The following MUC5B variants were observed in gnomAD, a reference collection of about 807,000 sequenced individuals.
MUC5B encodes the protein mucin 5B, oligomeric mucus/gel-forming.
A neutral mutation model predicts 376.9 loss-of-function variants in MUC5B; 116 were observed. The ratio of observed to expected loss-of-function variants is 0.31; its 90% CI spans 0.26 to 0.36. The LOEUF is 0.36. MUC5B is among the 10% of genes least tolerant of loss of function. MUC5B has a pLI of 1.00. For missense variants in MUC5B, 7,165 were observed against 7,769.9 expected (o/e 0.92, Z 2.93); for synonymous variants, 3,517 against 3,390.9 (o/e 1.04, Z -1.29).
rs1185237802 is a variant in MUC5B at position 1,243,333 on chromosome 11, A to T, written c.6453A>T (p.Ser2151=). The T allele has an allele frequency of 6.4e-7, 1 of 1,552,320 alleles. No individual in the cohort carries two copies. Among genetic ancestry groups the T allele is most frequent in the Non-Finnish European group, 8.7e-7 (1 of 1,149,020 alleles). ...TATGSTTNPS[S]TPGTTPIPPV... ...CCGGCTCCACCACCAACCCCTCCTC[A>T]ACTCCTGGGACAACTCCCATCCCCC... The change falls in exon 31 of 49, where the codon TCA becomes TCT. Residue 2151 remains serine, a synonymous_variant. Transcript: ENST00000529681.
intron 6 of MUC5B, 55 bp downstream of exon 6, chr11:1,227,453 C>A: frequency 7.1e-7 from 1 of 1,406,606 alleles, no homozygotes; most frequent in Non-Finnish European, 9.9e-7. Flanking sequence ...CAACGAAGAG[C>A]CACAGTCCCG....
intron 29 of MUC5B, 37 bp from the exon 30 acceptor site, chr11:1,240,141 C>T (rs367807229): frequency 3.8e-5 from 60 of 1,571,740 alleles, no homozygotes; most frequent in South Asian, 1.5e-4. Flanking sequence ...GCCAGGGGCT[C>T]GGAGGCCCTG....
At chr11:1,229,060 G>A (rs1861961453) in intron 8 of MUC5B, 110 bp from the exon 9 acceptor site, 9 of 1,321,846 alleles carry the variant, frequency 6.8e-6, no homozygotes, top group Non-Finnish European at 8.0e-6. Flanking sequence ...GCCTAGCTCT[G>A]GCTTCTGTGG....
In MUC5B at chr11:1,234,935, G is replaced by T. The variant is rs1198694289; in HGVS notation, c.2631-150G>T. The T allele has an allele frequency of 1.5e-5, 18 of 1,195,636 alleles. No individual in the cohort carries two copies. The highest frequency in any genetic ancestry group is 2.8e-5 in the Admixed American group (1 of 35,324). The allele number at this position is 1,195,636 out of a possible 1,614,324, so 74.1% of individuals were successfully genotyped here. A position where few individuals can be genotyped will look rare whatever the true frequency, so the allele number is the denominator to read the frequency against. Reference sequence around the variant, plus strand: ...GGGCTGCGTGCCCTGCATTCACAGTGGGGGACACCACTTCTTCCACGGAGG... The same window carrying T: ...GGGCTGCGTGCCCTGCATTCACAGTTGGGGACACCACTTCTTCCACGGAGG... On this transcript the variant is annotated intron_variant, in intron 21 of 48. Transcript: ENST00000529681. This position sits in a 1 kb window ranked among gnomAD's most constrained non-coding sequence, Gnocchi z 6.3.
chr11:1,235,878 A>G (rs1320426636), intron 23 of MUC5B, among the ~76,000 whole-genome samples: 1 of 149,752 alleles, frequency 6.7e-6, no homozygotes, highest in African/African-American at 2.5e-5. Flanking sequence ...GCTTTCTCCC[A>G]GTGAGGGCCC....
intron 21 of MUC5B, 62 bp from the exon 22 acceptor site, chr11:1,235,023 G>C: frequency 6.4e-7 from 1 of 1,551,984 alleles, no homozygotes; most frequent in Non-Finnish European, 8.7e-7. Flanking sequence ...CCTGGGTGCC[G>C]GGTCTCAGGA....
At position 1,232,146 on chromosome 11, in the gene MUC5B, T is replaced by C. The variant is rs772931734; in HGVS notation, c.1829T>C (p.Leu610Pro). The change falls in exon 15 of 49, where the codon CTC (leucine) becomes CCC (proline). Residue 610 changes from leucine to proline, a missense_variant. Coordinates refer to ENST00000529681, the MANE Select transcript of MUC5B (RefSeq NM_002458.3). ...AACAGCTTTGAGGACCCCTGCTCCC[T>C]CAGTGTGGAGAATGGTACTCCTCGC... ...ARNSFEDPCS[L>P]SVENENYARH... The C allele has an allele frequency of 6.2e-7, 1 of 1,607,350 alleles. No homozygotes were observed. Among genetic ancestry groups the C allele is most frequent in the African/African-American group, 1.3e-5 (1 of 74,938 alleles).
At chr11:1,230,385 TC>T in intron 11 of MUC5B, 104 bp from the exon 12 acceptor site, 1 of 1,216,182 alleles carries the variant, frequency 8.2e-7, no homozygotes. Context: ...AAGGACCACC[TC>T]CCCACAGAGC....
At position 1,230,922 on chromosome 11, in the gene MUC5B, G is replaced by T. The variant is rs774350374; in HGVS notation, c.1471-14G>T. 3 of 1,578,504 alleles carry T rather than the reference G, an allele frequency of 1.9e-6. No homozygotes were observed. The highest frequency in any genetic ancestry group is 2.7e-5 in the African/African-American group (2 of 74,128). Reference sequence around the variant, plus strand: ...CCTCCCCAGAGCTGACCTCCCGCCCGCCTCCTTCCGCAGGCCATCCGGGTC... The same window carrying T: ...CCTCCCCAGAGCTGACCTCCCGCCCTCCTCCTTCCGCAGGCCATCCGGGTC... On this transcript the variant is annotated splice_polypyrimidine_tract_variant and intron_variant, in intron 12 of 48. Transcript: ENST00000529681.
rs1210706964 is a variant in MUC5B at position 1,251,049 on chromosome 11, C to A, written c.14169C>A (p.Ala4723=). 6.2e-7 allele frequency: 1 copy of A among 1,611,458 alleles called. No individual in the cohort carries two copies. The highest frequency in any genetic ancestry group is 8.5e-7 in the Non-Finnish European group (1 of 1,178,292). ...CACCCGCAGCCACCAGCTCCAAAGC[C>A]ACTTCCTCCTCCAGTCCAAGGACTG... The part of the protein sequence containing the change: ...ATTPAATSSK[A]TSSSSPRTAT... Residue 4723 remains alanine (A), a synonymous_variant, in exon 31 of 49, where the codon GCC becomes GCA. Coordinates refer to ENST00000529681, the MANE Select transcript of MUC5B (RefSeq NM_002458.3).
chr11:1,229,952 T>A lies in MUC5B; in HGVS notation c.1221-53T>A, dbSNP rs1590169391. The A allele has an allele frequency of 5.1e-6, 8 of 1,557,104 alleles. No individual in the cohort carries two copies. In the South Asian group the frequency reaches 9.4e-5, roughly 18 times the overall value. On this transcript the variant is annotated intron_variant, in intron 10 of 48. Transcript: ENST00000529681. ...CCGCCTGCGGTGGGGGTGTGGAGGG[T>A]GGGGCCCACCTCCTCCCGACATGCC...
At position 1,246,526 on chromosome 11, in the gene MUC5B, C is replaced by T. The variant is rs1484917030; in HGVS notation, c.9646C>T (p.Pro3216Ser). The change falls in exon 31 of 49, where the codon CCA becomes TCA. Residue 3216 changes from proline to serine, a missense_variant. Pro to Ser is a moderately conservative substitution (Grantham distance 74). This residue lies in a region of MUC5B where 939 missense variants were observed against 770.6 expected (regional missense o/e 1.22). Transcript: ENST00000529681. The stretch of plus-strand genomic sequence containing the variant: ...CTCCAGAGCCACTCCCTCCTCCAGT[C>T]CAGGGACTGCAACCGCCCTTCCAGC... The part of the protein sequence containing the change: ...ISSRATPSSS[P>S]GTATALPALR... 2.5e-6 allele frequency: 4 copies of T among 1,613,302 alleles called. No homozygotes were observed. The highest frequency in any genetic ancestry group is 3.4e-6 in the Non-Finnish European group (4 of 1,179,642).
Position 1,258,261 on chromosome 11 carries a change from A to G in MUC5B, c.16555+58A>G. The G allele has an allele frequency of 6.3e-7, 1 of 1,578,304 alleles. No individual in the cohort carries two copies. Among genetic ancestry groups the G allele is most frequent in the Non-Finnish European group, 8.6e-7 (1 of 1,160,032 alleles). ...CCTCTTGCTGGGGGTGGGGGAGTGC[A>G]GGATGGTGGGGGCGCTGGAGCACAT... is the stretch of plus-strand genomic sequence containing the variant. On this transcript the variant is annotated intron_variant, in intron 42 of 48. Transcript: ENST00000529681. The surrounding 1 kb of genome is among the most constrained non-coding windows in gnomAD (Gnocchi z 5.5).
chr11:1,258,474 G>A lies in MUC5B; in HGVS notation c.16593+107G>A, dbSNP rs1862905765. 4.4e-6 allele frequency: 6 copies of A among 1,351,078 alleles called. No homozygotes were observed. The highest frequency in any genetic ancestry group is 6.1e-6 in the Non-Finnish European group (6 of 984,384). The allele number at this position is 1,351,078 out of a possible 1,614,324, so 83.7% of individuals were successfully genotyped here. A position where few individuals can be genotyped will look rare whatever the true frequency, so the allele number is the denominator to read the frequency against. On this transcript the variant is annotated intron_variant, in intron 43 of 48. Transcript: ENST00000529681. The surrounding 1 kb of genome is among the most constrained non-coding windows in gnomAD (Gnocchi z 5.5). ...CCTTGTCTTGACATTCCTGCCCTGA[G>A]GGCCGATCCGCACAGGGGCCCTGGA... is the stretch of plus-strand genomic sequence containing the variant.
At position 1,233,724 on chromosome 11, in the gene MUC5B, C is replaced by G; in HGVS notation, c.2322-69C>G. On this transcript the variant is annotated intron_variant, in intron 18 of 48. Transcript: ENST00000529681. ...GGAGGCCCAGCGTTCGGCGGGGGCT[C>G]GGAAGCCCGGGGGTGGGGTCTGCGG... 2.7e-6 allele frequency: 4 copies of G among 1,499,994 alleles called. No individual in the cohort carries two copies. The South Asian group carries it at 4.8e-5, about 18-fold the overall frequency. 92.9% of individuals were successfully genotyped at this position (1,499,994 alleles called of 1,614,324 possible).
chr11:1,245,766 T>C lies in MUC5B; in HGVS notation c.8886T>C (p.Arg2962=), dbSNP rs368128605. 40,286 of 1,599,220 alleles carry C rather than the reference T, an allele frequency of 0.025. No homozygotes were observed. Among genetic ancestry groups the C allele is most frequent in the Non-Finnish European group, 0.028 (32,369 of 1,168,842 alleles). ...AGATGTGCTTCAACTATGAAATCCG[T>C]GTGTTCTGCTGCAACTACGGCCACT... ...KFKMCFNYEI[R]VFCCNYGHCP... Residue 2962 remains arginine, a synonymous_variant, in exon 31 of 49, where the codon CGT becomes CGC. Transcript: ENST00000529681.
intron 44 of MUC5B, 141 bp downstream of exon 44, chr11:1,259,202 CT>C (rs1490672876): frequency 2.5e-6 from 2 of 813,904 alleles, no homozygotes; most frequent in African/African-American, 1.8e-5. Flanking sequence ...AGGTGAGTCC[CT>C]GAGGCACTTG....
At chr11:1,224,741 G>A (rs570978915) in intron 1 of MUC5B, among the ~76,000 whole-genome samples, 8 of 152,254 alleles carry the variant, frequency 5.3e-5, no homozygotes, top group Admixed American at 1.3e-4. Context: ...ATCTCTGGAG[G>A]CGGCCCCTGT....
Position 1,245,721 on chromosome 11 carries a change from T to C in MUC5B, c.8841T>C (p.Arg2947=). The change falls in exon 31 of 49, where the codon CGT becomes CGC. Residue 2947 remains arginine, a synonymous_variant. Transcript: ENST00000529681. The part of the protein sequence containing the change: ...SLDFGLVCRN[R]EQVGKFKMCF... Reference sequence around the variant, plus strand: ...ACTTTGGCCTGGTCTGCAGGAACCGTGAGCAGGTGGGGAAGTTCAAGATGT... The same window carrying C: ...ACTTTGGCCTGGTCTGCAGGAACCGCGAGCAGGTGGGGAAGTTCAAGATGT... 8 of 1,609,496 alleles carry C rather than the reference T, an allele frequency of 5.0e-6. No homozygotes were observed. Among genetic ancestry groups the C allele is most frequent in the Non-Finnish European group, 6.8e-6 (8 of 1,179,308 alleles).
Sources: gnomAD v4.1 joint callset for allele counts (sites outside exome capture counted in the v4.1 genomes callset) on GRCh38, gnomAD v4.1.1 for gene constraint, gnomAD v4.1.1 regional missense constraint, Gnocchi (gnomAD v3.1) non-coding constraint, MANE v1.5 for transcripts, NCBI Gene and HGNC (gene_info 2026-07-23, HGNC 2026-07-21) for gene names.